Variants in GRIK1 observed in about 807,000 individuals in gnomAD.
GRIK1 encodes the protein glutamate receptor ionotropic, kainate 1.
Under a neutral mutation model 105.7 loss-of-function variants are expected in GRIK1, and 69 were observed. The observed-to-expected ratio is 0.65, with a 90% CI of 0.54 to 0.80. The LOEUF (loss-of-function observed/expected upper bound fraction) is 0.80, where lower values mean the gene tolerates loss of function less well. Among genes scored for constraint, GRIK1 ranks in the 30% least tolerant of loss-of-function variants. GRIK1 has a pLI of 0.00. For synonymous variants in GRIK1, 438 were observed against 431.3 expected (o/e 1.02, Z -0.19); for missense variants, 1,109 against 1,167.3 (o/e 0.95, Z 0.73).
intron 16 of GRIK1, among the ~76,000 whole-genome samples, chr21:29,539,765 G>C (rs772294519): frequency 3.3e-5 from 5 of 152,082 alleles, no homozygotes; most frequent in Admixed American, 6.5e-5. Context: ...GTGTCAAGAA[G>C]TTTGCAAACT....
rs73197503 is a variant in GRIK1, at chr21:29,591,128, A to G, written c.1349T>C (p.Ile450Thr). Reference sequence around the variant, plus strand: ...TCAACTTACCAGAATGGTGGTGACAATGAGTGTTCTGTTGGCCAATGAATC... The same window carrying G: ...TCAACTTACCAGAATGGTGGTGACAGTGAGTGTTCTGTTGGCCAATGAATC... ...ITDSLANRTL[I>T]VTTILEEPYV... Residue 450 changes from isoleucine to threonine, a missense_variant, in exon 10 of 18, where the codon ATT becomes ACT. This residue lies in a region of GRIK1 where 612 missense variants were observed against 586.0 expected (regional missense o/e 1.04). Transcript: ENST00000327783. The G allele has an allele frequency of 1.7e-3, 2,757 of 1,584,170 alleles. 3 individuals are homozygous for G. The highest frequency in any genetic ancestry group is 2.2e-3 in the Non-Finnish European group (2,575 of 1,152,528).
chr21:29,888,566 G>A (rs1410859288), intron 1 of GRIK1, among the ~76,000 whole-genome samples: 3 of 151,522 alleles, frequency 2.0e-5, no homozygotes, highest in Non-Finnish European at 4.4e-5. Flanking sequence ...CCATTCACCC[G>A]GCCTAGCCCC....
intron 14 of GRIK1, 92 bp downstream of exon 14, chr21:29,576,870 TTC>T: frequency 1.4e-6 from 1 of 731,108 alleles, no homozygotes; most frequent in Non-Finnish European, 2.2e-6. Context: ...ACATCTTTTT[TTC>T]TTTTTTCTTT....
At chr21:29,869,159 C>T (rs758502332) in intron 1 of GRIK1, among the ~76,000 whole-genome samples, 4 of 152,156 alleles carry the variant, frequency 2.6e-5, no homozygotes, top group East Asian at 3.8e-4. Flanking sequence ...TTTCACAGAC[C>T]TTTTCCGACT....
At chr21:29,668,028 T>C (rs2063093313) in intron 4 of GRIK1, among the ~76,000 whole-genome samples, 1 of 152,104 alleles carries the variant, frequency 6.6e-6, no homozygotes, top group Non-Finnish European at 1.5e-5. Flanking sequence ...GCAGACTCAG[T>C]GGGGTAGAAG....
chr21:29,551,656 T>C (rs1233717588), intron 16 of GRIK1, among the ~76,000 whole-genome samples: 1 of 152,180 alleles, frequency 6.6e-6, no homozygotes, highest in African/African-American at 2.4e-5. Flanking sequence ...AAAGAGATCA[T>C]TTCTTTATCC....
chr21:29,739,843 G>GT (rs1443016241), intron 1 of GRIK1, among the ~76,000 whole-genome samples: 1 of 152,076 alleles, frequency 6.6e-6, no homozygotes, highest in Non-Finnish European at 1.5e-5. Context: ...ACACTAAGTT[G>GT]TTTTTCACTC....
chr21:29,582,343 C>T (rs957369924), intron 12 of GRIK1: 1 of 470,524 alleles, frequency 2.1e-6, no homozygotes, highest in East Asian at 7.0e-5. Flanking sequence ...AATCAGCAAC[C>T]CTGGTTCGGT....
chr21:29,624,223 T>C (rs1211187937), intron 7 of GRIK1, among the ~76,000 whole-genome samples: 1 of 152,190 alleles, frequency 6.6e-6, no homozygotes. Flanking sequence ...ATTTTTCCCT[T>C]TCTTATTCTG....
intron 7 of GRIK1, among the ~76,000 whole-genome samples, chr21:29,604,473 A>G (rs1404093524): frequency 6.6e-6 from 1 of 152,184 alleles, no homozygotes; most frequent in Non-Finnish European, 1.5e-5. Flanking sequence ...TTAATCATCA[A>G]TACACTATTG....
chr21:29,807,215 A>G (rs1035215468), intron 1 of GRIK1, among the ~76,000 whole-genome samples: 1 of 152,158 alleles, frequency 6.6e-6, no homozygotes, highest in Admixed American at 6.6e-5. Flanking sequence ...AACTGTATTT[A>G]TGGAGAGCCA....
chr21:29,559,189 C>A (rs989655199), intron 15 of GRIK1, among the ~76,000 whole-genome samples: 2 of 152,100 alleles, frequency 1.3e-5, no homozygotes, highest in Non-Finnish European at 2.9e-5. Context: ...AAAATTCAGG[C>A]AAAGGTACCT....
chr21:29,927,069 C>A (rs910388799), intron 1 of GRIK1, among the ~76,000 whole-genome samples: 1 of 152,104 alleles, frequency 6.6e-6, no homozygotes, highest in Non-Finnish European at 1.5e-5. Flanking sequence ...AAAAGCATAA[C>A]AAATTGGCAT....
At chr21:29,745,582 G>C (rs1376991162) in intron 1 of GRIK1, among the ~76,000 whole-genome samples, 2 of 152,182 alleles carry the variant, frequency 1.3e-5, no homozygotes, top group African/African-American at 2.4e-5. Flanking sequence ...CAGGGCCTCT[G>C]ATTCCCTCAA....
intron 1 of GRIK1, among the ~76,000 whole-genome samples, chr21:29,697,928 C>CTTTCTTTCTTTCTTTCTTTCTT (rs1555874556): frequency 1.9e-4 from 28 of 145,864 alleles, no homozygotes; most frequent in Non-Finnish European, 3.4e-4. Flanking sequence ...CTCTCTCTCT[C>CTTTCTTTCTTTCTTTCTTTCTT]TCTTTCTTTC....
chr21:29,605,416 G>A (rs4817298), intron 7 of GRIK1, among the ~76,000 whole-genome samples: 82,738 of 152,028 alleles, frequency 0.54, 25,864 homozygotes, highest in African/African-American at 0.87. Flanking sequence ...TTATGGCTGC[G>A]TAGTATTCCA....
intron 1 of GRIK1, among the ~76,000 whole-genome samples, chr21:29,906,703 G>A (rs1165981868): frequency 2.6e-5 from 4 of 152,088 alleles, no homozygotes; most frequent in Admixed American, 2.0e-4. Flanking sequence ...AGTTAAAATA[G>A]TATTTAGAAC....
chr21:29,718,123 C>T (rs2064224333), intron 1 of GRIK1, among the ~76,000 whole-genome samples: 1 of 152,112 alleles, frequency 6.6e-6, no homozygotes, highest in Admixed American at 6.5e-5. Context: ...GCCTCCTGAG[C>T]CATGCTAAAC....
intron 1 of GRIK1, among the ~76,000 whole-genome samples, chr21:29,839,072 C>G (rs1396894086): frequency 1.4e-5 from 2 of 142,240 alleles, no homozygotes; most frequent in Non-Finnish European, 3.1e-5. Flanking sequence ...TTTTTTGAGG[C>G]AGAGTCTCAC....
Sources: allele counts gnomAD v4.1 joint callset (sites outside exome capture counted in the v4.1 genomes callset), GRCh38; gene constraint gnomAD v4.1.1; regional missense constraint gnomAD v4.1.1; transcripts MANE v1.5; gene names NCBI Gene and HGNC (gene_info 2026-07-23, HGNC 2026-07-21).